The following MVB12B variants were observed in gnomAD, a reference collection of about 807,000 sequenced individuals.
MVB12B encodes multivesicular body subunit 12B, also known as ESCRT-I complex subunit MVB12B.
MVB12B carries 16 observed loss-of-function variants against 41.6 expected under a neutral mutation model. The observed-to-expected ratio is 0.38, with a 90% CI of 0.26 to 0.58. The LOEUF is 0.58. MVB12B is among the 20% of genes least tolerant of loss of function. MVB12B has a pLI of 0.62. For missense variants in MVB12B, 274 were observed against 380.2 expected (o/e 0.72, Z 2.32); for synonymous variants, 133 against 139.7 (o/e 0.95, Z 0.34).
intron 7 of MVB12B, among the ~76,000 whole-genome samples, chr9:126,476,079 A>AGGGGT (rs1382986160): frequency 1.0e-5 from 1 of 97,604 alleles, no homozygotes; most frequent in Non-Finnish European, 2.8e-5. Flanking sequence ...GGGTGGAGCG[A>AGGGGT]GGCCGTCAAA....
Position 126,480,365 on chromosome 9 carries a change from G to A in MVB12B, c.758-1004G>A, listed in dbSNP as rs1034680166. 3.3e-5 allele frequency among the ~76,000 whole-genome samples: 5 copies of A among 152,182 alleles called. No homozygotes were observed. Among genetic ancestry groups the A allele is most frequent in the South Asian group, 2.1e-4 (1 of 4,830 alleles). On this transcript the variant is annotated intron_variant, in intron 7 of 9. Coordinates refer to ENST00000361171, the MANE Select transcript of MVB12B (RefSeq NM_033446.3). This position sits in a 1 kb window ranked among gnomAD's most constrained non-coding sequence, Gnocchi z 4.9. ...TTGGCTCTGTGAATGCCGGCATCAC[G>A]TCTCGTCCAGTGTGACCTGTTCCTC...
chr9:126,397,036 C>G (rs1831135992), intron 6 of MVB12B: 1 of 985,592 alleles, frequency 1.0e-6, no homozygotes, highest in Non-Finnish European at 1.2e-6. Flanking sequence ...GGGGAGTCAG[C>G]TAAGTCCATC....
At chr9:126,336,248 G>A (rs1035197384) in intron 1 of MVB12B, among the ~76,000 whole-genome samples, 4 of 152,304 alleles carry the variant, frequency 2.6e-5, no homozygotes, top group African/African-American at 4.8e-5. Context: ...GGCTCAGGAG[G>A]GCCATGGAAA....
chr9:126,427,682 A>C (rs1283850472), intron 7 of MVB12B, among the ~76,000 whole-genome samples: 1 of 152,224 alleles, frequency 6.6e-6, no homozygotes, highest in Admixed American at 6.5e-5. Flanking sequence ...GCATATAATA[A>C]GACCAAAAAA....
At chr9:126,437,228 G>A (rs1306996630) in intron 7 of MVB12B, among the ~76,000 whole-genome samples, 1 of 152,090 alleles carries the variant, frequency 6.6e-6, no homozygotes, top group East Asian at 1.9e-4. Context: ...TTTTTTAATA[G>A]GAAGCTGCTA....
intron 6 of MVB12B, among the ~76,000 whole-genome samples, chr9:126,414,401 G>A (rs559723563): frequency 1.8e-4 from 27 of 152,308 alleles, no homozygotes; most frequent in Non-Finnish European, 3.2e-4. Context: ...TGTCTCCTCC[G>A]GGCAGTTCCG....
At chr9:126,346,244 G>A (rs902829359) in intron 2 of MVB12B, among the ~76,000 whole-genome samples, 1 of 152,220 alleles carries the variant, frequency 6.6e-6, no homozygotes, top group Non-Finnish European at 1.5e-5. Context: ...CAGAGTGAGA[G>A]CTAGAGCCTG....
At chr9:126,327,093 G>C (rs991439705) in intron 1 of MVB12B, 83 bp downstream of exon 1, 2 of 219,306 alleles carry the variant, frequency 9.1e-6, no homozygotes, top group African/African-American at 4.7e-5. Flanking sequence ...GCGGGCCCCC[G>C]GCCGAGGGGC....
Position 126,392,208 on chromosome 9 carries a change from A to G in MVB12B, c.539+13A>G. ...ACACGTTTATTGGGTGAGTCTTAATAACAGGACTGTCAGCTGCTTCTCTTC... is the reference window on the plus strand; with the variant it reads ...ACACGTTTATTGGGTGAGTCTTAATGACAGGACTGTCAGCTGCTTCTCTTC... On this transcript the variant is annotated intron_variant, in intron 5 of 9. Transcript: ENST00000361171. This position sits in a 1 kb window ranked among gnomAD's most constrained non-coding sequence, Gnocchi z 4.8. The G allele has an allele frequency of 6.2e-7, 1 of 1,613,698 alleles. No homozygotes were observed. Among genetic ancestry groups the G allele is most frequent in the Non-Finnish European group, 8.5e-7 (1 of 1,179,650 alleles).
intron 6 of MVB12B, among the ~76,000 whole-genome samples, chr9:126,412,546 T>C (rs2119062271): frequency 6.6e-6 from 1 of 152,338 alleles, no homozygotes; most frequent in South Asian, 2.1e-4. Flanking sequence ...TCTTCTACTC[T>C]CCCAACCACA....
chr9:126,333,189 TG>T lies in MVB12B; in HGVS notation c.81+6180del. On this transcript the variant is annotated intron_variant, in intron 1 of 9. Transcript: ENST00000361171. This position sits in a 1 kb window ranked among gnomAD's most constrained non-coding sequence, Gnocchi z 4.7. ...GCAACCTCCGCCACCCAGGTTCAAG[TG>T]ATTCTTCTGCCTCAGCCTCCCGAGT... 6.6e-6 allele frequency among the ~76,000 whole-genome samples: 1 copy of T among 151,696 alleles called. No homozygotes were observed. Among genetic ancestry groups the T allele is most frequent in the Middle Eastern group, 3.5e-3 (1 of 286 alleles).
chr9:126,442,050 T>A (rs1462706510), intron 7 of MVB12B, among the ~76,000 whole-genome samples: 5 of 152,180 alleles, frequency 3.3e-5, no homozygotes, highest in Non-Finnish European at 7.3e-5. Flanking sequence ...CCCATAATCA[T>A]CTCCTTGACT....
At chr9:126,337,444 CCTTG>C (rs1829314832) in intron 1 of MVB12B, among the ~76,000 whole-genome samples, 1 of 152,164 alleles carries the variant, frequency 6.6e-6, no homozygotes, top group Non-Finnish European at 1.5e-5. Flanking sequence ...ACTTTTTCCC[CCTTG>C]CTTGACTTAT....
intron 7 of MVB12B, among the ~76,000 whole-genome samples, chr9:126,474,931 TCCAAGTAGAC>T (rs1384487066): frequency 6.6e-6 from 1 of 152,168 alleles, no homozygotes; most frequent in African/African-American, 2.4e-5. Context: ...CCACTCAAGC[TCCAAGTAGAC>T]CAGGGTGAGT....
chr9:126,430,593 TGAG>T (rs1377507786), intron 7 of MVB12B, among the ~76,000 whole-genome samples: 2 of 150,996 alleles, frequency 1.3e-5, no homozygotes, highest in African/African-American at 2.4e-5. Context: ...TTTTTTTAAT[TGAG>T]GAGGATGTAG....
intron 7 of MVB12B, among the ~76,000 whole-genome samples, chr9:126,450,415 C>G (rs989396153): frequency 2.0e-5 from 3 of 152,230 alleles, no homozygotes; most frequent in Non-Finnish European, 4.4e-5. Flanking sequence ...AAAGTAAACT[C>G]CAATATGTCT....
rs751327170 is a variant in MVB12B at position 126,395,557 on chromosome 9, TTC to T, written c.540-14_540-13del. 1 of 1,613,976 alleles carries T rather than the reference TTC, an allele frequency of 6.2e-7. No homozygotes were observed. Among genetic ancestry groups the T allele is most frequent in the African/African-American group, 1.3e-5 (1 of 75,030 alleles). Reference sequence around the variant, plus strand: ...TTGTGCTAACCAGAGCCATGAAGATTTCTCTTTTTTCCTAAAGGGAACTGAAC... The same window carrying T: ...TTGTGCTAACCAGAGCCATGAAGATTTCTTTTTTCCTAAAGGGAACTGAAC... On this transcript the variant is annotated splice_polypyrimidine_tract_variant and intron_variant, in intron 5 of 9. Transcript: ENST00000361171. The surrounding 1 kb of genome is among the most constrained non-coding windows in gnomAD (Gnocchi z 4.9).
chr9:126,351,690 A>C (rs937570723), intron 2 of MVB12B, among the ~76,000 whole-genome samples: 1 of 152,078 alleles, frequency 6.6e-6, no homozygotes, highest in East Asian at 1.9e-4. Flanking sequence ...GGGTTTCACC[A>C]TGTTGGCCAG....
intron 3 of MVB12B, among the ~76,000 whole-genome samples, chr9:126,383,726 T>C (rs1230094980): frequency 6.6e-6 from 1 of 151,906 alleles, no homozygotes; most frequent in East Asian, 1.9e-4. Flanking sequence ...GCAAAATTAA[T>C]GGTGTCGCAG....
Sources: allele counts gnomAD v4.1 joint callset (sites outside exome capture counted in the v4.1 genomes callset), GRCh38; gene constraint gnomAD v4.1.1; non-coding constraint Gnocchi (gnomAD v3.1); transcripts MANE v1.5; gene names NCBI Gene and HGNC (gene_info 2026-07-23, HGNC 2026-07-21).